The following CSE1L variants were observed in gnomAD, a reference collection of about 807,000 sequenced individuals.
CSE1L encodes chromosome segregation 1 like.
CSE1L carries 24 observed loss-of-function variants against 120.4 expected under a neutral mutation model. The observed-to-expected ratio is 0.20, with a 90% CI of 0.14 to 0.28. The LOEUF (loss-of-function observed/expected upper bound fraction) is 0.28, where lower values mean the gene tolerates loss of function less well. Ranked by LOEUF, CSE1L falls within the 10% of genes least tolerant of loss-of-function variation. CSE1L has a pLI of 1.00. For synonymous variants in CSE1L, 402 were observed against 398.3 expected (o/e 1.01, Z -0.11); for missense variants, 830 against 1,145.2 (o/e 0.72, Z 3.97).
intron 13 of CSE1L, 55 bp downstream of exon 13, chr20:49,077,119 A>G: frequency 9.7e-7 from 1 of 1,035,382 alleles, no homozygotes; most frequent in African/African-American, 1.6e-5. Context: ...ACCTGAATTC[A>G]AAAAACAGCT....
Position 49,058,492 on chromosome 20 carries a change from C to T in CSE1L, c.29C>T (p.Thr10Ile). 1 of 1,613,712 alleles carries T rather than the reference C, an allele frequency of 6.2e-7. No individual in the cohort carries two copies. The highest frequency in any genetic ancestry group is 8.5e-7 in the Non-Finnish European group (1 of 1,179,774). The change falls in exon 2 of 25, where the codon ACA becomes ATA. Residue 10 changes from threonine to isoleucine, a missense_variant. By Grantham distance (89) the Thr-to-Ile change is moderately conservative. Transcript: ENST00000262982. Reference sequence around the variant, plus strand: ...GAACTCAGCGATGCAAATCTGCAAACACTAACAGAATATTTAAAGAAAACA... The same window carrying T: ...GAACTCAGCGATGCAAATCTGCAAATACTAACAGAATATTTAAAGAAAACA... MELSDANLQ[T>I]LTEYLKKTLD... is the part of the protein sequence containing the mutation.
chr20:49,083,854 A>G (rs1012074285), intron 14 of CSE1L, among the ~76,000 whole-genome samples, 172 bp from the exon 15 acceptor site: 24 of 152,316 alleles, frequency 1.6e-4, no homozygotes, highest in African/African-American at 5.8e-4. Flanking sequence ...TGGAAATTGA[A>G]CCATTATGTG....
chr20:49,067,769 C>A (rs1239713573), intron 6 of CSE1L, among the ~76,000 whole-genome samples: 1 of 151,682 alleles, frequency 6.6e-6, no homozygotes, highest in African/African-American at 2.4e-5. Context: ...GTCTCACTCT[C>A]ATTGCCCAGG....
At chr20:49,087,328 G>A (rs2092067148) in intron 16 of CSE1L, among the ~76,000 whole-genome samples, 2 of 147,986 alleles carry the variant, frequency 1.4e-5, no homozygotes, top group African/African-American at 5.0e-5. Flanking sequence ...AACATTTTCT[G>A]ATGCTGGTTT....
intron 1 of CSE1L, among the ~76,000 whole-genome samples, chr20:49,046,637 C>G (rs938115635): frequency 2.0e-5 from 3 of 152,246 alleles, no homozygotes; most frequent in Non-Finnish European, 2.9e-5. Flanking sequence ...TCCTAGGTCT[C>G]TGGCCCAGGT....
At chr20:49,059,856 G>A (rs976352694) in intron 2 of CSE1L, among the ~76,000 whole-genome samples, 5 of 151,746 alleles carry the variant, frequency 3.3e-5, no homozygotes, top group Non-Finnish European at 5.9e-5. Context: ...CTCCAGCCTG[G>A]GTGACAGAGC....
chr20:49,057,671 G>A (rs748829526), intron 1 of CSE1L, among the ~76,000 whole-genome samples: 4 of 151,818 alleles, frequency 2.6e-5, no homozygotes, highest in Admixed American at 6.6e-5. Flanking sequence ...TGCTCTTATC[G>A]CCCAGGCTGC....
chr20:49,089,742 A>C lies in CSE1L; in HGVS notation c.2177A>C (p.Lys726Thr), dbSNP rs1264205162. The change falls in exon 19 of 25, where the codon AAA (lysine) becomes ACA (threonine). Residue 726 changes from lysine to threonine, a missense_variant. Physicochemically the swap from Lys to Thr is moderately conservative, Grantham distance 78 (BLOSUM62 -1). Coordinates refer to ENST00000262982, the MANE Select transcript of CSE1L (RefSeq NM_001316.4). ...ACAATAGCAAGTGCTGCAGCTGACA[A>C]AATTGTGCGTCAGGTTTTGATATAA... ...SNTIASAAAD[K>T]IPGLLGVFQK... The C allele has an allele frequency of 6.2e-7, 1 of 1,614,024 alleles. No homozygotes were observed.
At chr20:49,070,935 T>C (rs2091927154) in intron 8 of CSE1L, among the ~76,000 whole-genome samples, 2 of 152,114 alleles carry the variant, frequency 1.3e-5, no homozygotes, top group Admixed American at 1.3e-4. Flanking sequence ...GAGGGAGACC[T>C]CGTCTCAGAA....
At chr20:49,059,267 A>G (rs2091833068) in intron 2 of CSE1L, among the ~76,000 whole-genome samples, 1 of 152,116 alleles carries the variant, frequency 6.6e-6, no homozygotes, top group Non-Finnish European at 1.5e-5. Context: ...ATTGGGTTTG[A>G]TTTAACTAAT....
Position 49,094,936 on chromosome 20 carries a change from C to T in CSE1L, c.2799C>T (p.His933=), listed in dbSNP as rs1568790780. 2 of 1,614,084 alleles carry T rather than the reference C, an allele frequency of 1.2e-6. No homozygotes were observed. The highest frequency in any genetic ancestry group is 1.7e-6 in the Non-Finnish European group (2 of 1,179,984). ...NPKIHLAQSL[H]KLSTACPGRV... Reference sequence around the variant, plus strand: ...AAATTCACCTGGCACAGTCACTTCACAAGTTGTCTACCGCCTGTCCAGGAA... The same window carrying T: ...AAATTCACCTGGCACAGTCACTTCATAAGTTGTCTACCGCCTGTCCAGGAA... The change falls in exon 24 of 25, where the codon CAC becomes CAT. Residue 933 remains histidine (H), a synonymous_variant. Coordinates refer to ENST00000262982, the MANE Select transcript of CSE1L (RefSeq NM_001316.4).
At chr20:49,089,793 G>A (rs759044875) in intron 19 of CSE1L, 47 bp downstream of exon 19, 1 of 1,548,190 alleles carries the variant, frequency 6.5e-7, no homozygotes, top group Non-Finnish European at 8.9e-7. Flanking sequence ...GTAGCTTGGA[G>A]AAACTGGGGA....
At chr20:49,048,455 G>A (rs2091739529) in intron 1 of CSE1L, among the ~76,000 whole-genome samples, 1 of 152,002 alleles carries the variant, frequency 6.6e-6, no homozygotes, top group Non-Finnish European at 1.5e-5. Flanking sequence ...TATTCTCGTG[G>A]GCGAAAGAAA....
chr20:49,067,944 T>A (rs1374192110), intron 6 of CSE1L, among the ~76,000 whole-genome samples: 8 of 143,396 alleles, frequency 5.6e-5, no homozygotes, highest in Admixed American at 2.1e-4. Flanking sequence ...TTTTTTTTTT[T>A]TTTTTTTTTG....
At chr20:49,055,121 G>T (rs1276183026) in intron 1 of CSE1L, among the ~76,000 whole-genome samples, 2 of 152,304 alleles carry the variant, frequency 1.3e-5, no homozygotes, top group East Asian at 1.9e-4. Context: ...CCCCAGTGGG[G>T]CTTGGGGTAG....
chr20:49,056,693 G>GGTT (rs73623294), intron 1 of CSE1L, among the ~76,000 whole-genome samples: 15 of 151,442 alleles, frequency 9.9e-5, no homozygotes, highest in African/African-American at 3.4e-4. Context: ...GTTTCTGTGT[G>GGTT]TTTTTTCATT....
chr20:49,047,556 TCTCTTTTC>T (rs1417307327), intron 1 of CSE1L, among the ~76,000 whole-genome samples: 16 of 106,402 alleles, frequency 1.5e-4, no homozygotes, highest in African/African-American at 5.3e-4. Context: ...CTTTTTCTTT[TCTCTTTTC>T]TTTTTTTTTT....
chr20:49,047,536 TTTTC>T lies in CSE1L; in HGVS notation c.-12+1117_-12+1120del, dbSNP rs1204943739. 2.0e-5 allele frequency among the ~76,000 whole-genome samples: 3 copies of T among 148,050 alleles called. No homozygotes were observed. In the South Asian group the frequency reaches 6.3e-4, roughly 31 times the overall value. On this transcript the variant is annotated intron_variant, in intron 1 of 24. Coordinates refer to ENST00000262982, the MANE Select transcript of CSE1L (RefSeq NM_001316.4). ...CTCCCCTAACCAACCTCTTCTTTTG[TTTTC>T]TTTTTCTTTTTCTTTTCTCTTTTCT...
At chr20:49,064,348 T>C (rs1309178000) in intron 3 of CSE1L, among the ~76,000 whole-genome samples, 1 of 152,242 alleles carries the variant, frequency 6.6e-6, no homozygotes, top group Non-Finnish European at 1.5e-5. Context: ...TTTTTCTCAT[T>C]CCATAAAAGA....
Sources: allele counts gnomAD v4.1 joint callset (sites outside exome capture counted in the v4.1 genomes callset), GRCh38; gene constraint gnomAD v4.1.1; transcripts MANE v1.5; gene names NCBI Gene and HGNC (gene_info 2026-07-23, HGNC 2026-07-21).